The following PRKDC variants were observed in gnomAD, a reference collection of about 807,000 sequenced individuals.
PRKDC encodes protein kinase, DNA-activated, catalytic subunit.
Under a neutral mutation model 486.9 loss-of-function variants are expected in PRKDC, and 82 were observed. The observed-to-expected ratio is 0.17, with a 90% CI of 0.14 to 0.20. The LOEUF is 0.20. Ranked by LOEUF, PRKDC falls within the 10% of genes least tolerant of loss-of-function variation. The probability of loss-of-function intolerance (pLI) is 1.00; values close to 1 mark genes in which losing one functional copy is unlikely to be tolerated. For missense variants in PRKDC, 4,504 were observed against 5,038.2 expected, an observed-to-expected ratio of 0.89 and a Z score of 3.21; for synonymous variants, 1,895 against 1,837.0, an observed-to-expected ratio of 1.03 and a Z score of -0.81.
chr8:47,792,150 G>C (rs1334944254), intron 74 of PRKDC, among the ~76,000 whole-genome samples: 1 of 152,042 alleles, frequency 6.6e-6, no homozygotes, highest in South Asian at 2.1e-4. Flanking sequence ...AACTGAACTC[G>C]TGGGGAGGGG....
intron 11 of PRKDC, among the ~76,000 whole-genome samples, chr8:47,937,450 G>C (rs2090370986): frequency 6.6e-6 from 1 of 152,226 alleles, no homozygotes; most frequent in South Asian, 2.1e-4. Flanking sequence ...TCCACCTACA[G>C]GAGAGGCCAG....
intron 54 of PRKDC, among the ~76,000 whole-genome samples, chr8:47,843,611 C>T (rs781728558): frequency 2.6e-4 from 40 of 151,956 alleles, no homozygotes; most frequent in Non-Finnish European, 3.5e-4. Context: ...TTTCCAAGGT[C>T]GATGTGAAAG....
chr8:47,886,892 G>C (rs2089345991), intron 35 of PRKDC, among the ~76,000 whole-genome samples: 1 of 152,302 alleles, frequency 6.6e-6, no homozygotes, highest in African/African-American at 2.4e-5. Flanking sequence ...GTCTCGCTAT[G>C]TTGTCCAGGA....
intron 25 of PRKDC, among the ~76,000 whole-genome samples, chr8:47,911,514 T>G (rs1264025679): frequency 6.6e-6 from 1 of 152,246 alleles, no homozygotes; most frequent in African/African-American, 2.4e-5. Flanking sequence ...TGAGCTCTAT[T>G]TAATCACAGT....
chr8:47,861,650 G>C (rs1216159214), intron 44 of PRKDC, among the ~76,000 whole-genome samples: 1 of 152,214 alleles, frequency 6.6e-6, no homozygotes, highest in African/African-American at 2.4e-5. Context: ...ATGTCAATCT[G>C]AGCTTGGCTA....
intron 36 of PRKDC, among the ~76,000 whole-genome samples, chr8:47,883,333 C>T (rs1287645343): frequency 2.0e-5 from 3 of 152,186 alleles, no homozygotes; most frequent in African/African-American, 7.2e-5. Context: ...CCAGTGGAAA[C>T]CTGAGAATCT....
chr8:47,949,391 A>G (rs1172138764), intron 7 of PRKDC, among the ~76,000 whole-genome samples: 1 of 152,234 alleles, frequency 6.6e-6, no homozygotes, highest in Non-Finnish European at 1.5e-5. Context: ...ACTAATCTAT[A>G]CAACAGAGAC....
intron 85 of PRKDC, among the ~76,000 whole-genome samples, chr8:47,775,225 TAATA>T (rs1463507762): frequency 6.6e-6 from 1 of 151,634 alleles, no homozygotes; most frequent in Non-Finnish European, 1.5e-5. Flanking sequence ...ATTAATTAAT[TAATA>T]GCCATCCTAG....
In PRKDC at chr8:47,935,791, T is replaced by C. The variant is rs2090339764; in HGVS notation, c.1388A>G (p.Lys463Arg). 1 of 1,614,000 alleles carries C rather than the reference T, an allele frequency of 6.2e-7. No individual in the cohort carries two copies. Among genetic ancestry groups the C allele is most frequent in the Admixed American group, 1.7e-5 (1 of 60,022 alleles). The change falls in exon 13 of 86, where the codon AAG (lysine) becomes AGG (arginine). Residue 463 changes from lysine to arginine, a missense_variant. This residue lies in a region of PRKDC where 1,969 missense variants were observed against 2,068.9 expected (regional missense o/e 0.95). Coordinates refer to ENST00000314191, the MANE Select transcript of PRKDC (RefSeq NM_006904.7). ...MQLVCCRAIV[K>R]VFLALAAKGP... ...TTTTGCTGCCAAAGCTAGGAACACC[T>C]TCACTATGGCTCTGCAACACACCAG...
chr8:47,954,690 G>T (rs1029333893), intron 4 of PRKDC, among the ~76,000 whole-genome samples: 1 of 152,094 alleles, frequency 6.6e-6, no homozygotes, highest in Admixed American at 6.6e-5. Flanking sequence ...AACATCAGGG[G>T]AAGAATGCTC....
At chr8:47,832,069 A>G in intron 59 of PRKDC, 143 bp from the exon 60 acceptor site, 2 of 685,632 alleles carry the variant, frequency 2.9e-6, no homozygotes, top group African/African-American at 1.8e-5. Flanking sequence ...CAGGGGCCAC[A>G]GCTGCAACTG....
At chr8:47,871,276 T>G (rs1042861700) in intron 40 of PRKDC, among the ~76,000 whole-genome samples, 27 of 151,990 alleles carry the variant, frequency 1.8e-4, no homozygotes, top group African/African-American at 6.5e-4. Flanking sequence ...TAAAACTACC[T>G]CAAGGCATTT....
At chr8:47,868,101 T>A (rs1248165935) in intron 40 of PRKDC, among the ~76,000 whole-genome samples, 1 of 152,136 alleles carries the variant, frequency 6.6e-6, no homozygotes, top group Non-Finnish European at 1.5e-5. Context: ...TCTTTAAAAA[T>A]TTTTGTGTTT....
intron 40 of PRKDC, among the ~76,000 whole-genome samples, chr8:47,867,219 G>A (rs1026609260): frequency 3.9e-5 from 6 of 152,318 alleles, no homozygotes; most frequent in Middle Eastern, 3.4e-3. Flanking sequence ...ACAAGTGGAA[G>A]AGATAGGAAG....
intron 76 of PRKDC, among the ~76,000 whole-genome samples, chr8:47,788,572 A>G (rs1231665926): frequency 3.9e-5 from 6 of 152,200 alleles, no homozygotes; most frequent in Non-Finnish European, 8.8e-5. Context: ...AGCTTATTTA[A>G]CACACAAATA....
In PRKDC at chr8:47,898,606, C is replaced by T. The variant is rs763972977; in HGVS notation, c.3365-37G>A. 9 of 1,187,154 alleles carry T rather than the reference C, an allele frequency of 7.6e-6. No individual in the cohort carries two copies. The Admixed American group carries it at 3.4e-4, about 44-fold the overall frequency. 73.5% of individuals were successfully genotyped at this position (1,187,154 alleles called of 1,614,324 possible). A position where few individuals can be genotyped will look rare whatever the true frequency, so the allele number is the denominator to read the frequency against. ...TACAGAGACATATTTCCAAAGAAGG[C>T]ATATATAGCTGATTATTATTAAATT... On this transcript the variant is annotated intron_variant, in intron 28 of 85. Transcript: ENST00000314191.
At chr8:47,847,786 A>G (rs1218977491) in intron 54 of PRKDC, among the ~76,000 whole-genome samples, 1 of 151,950 alleles carries the variant, frequency 6.6e-6, no homozygotes, top group Non-Finnish European at 1.5e-5. Flanking sequence ...AATCCATAAA[A>G]AACTTAATTC....
At chr8:47,918,086 C>A (rs964631272) in intron 22 of PRKDC, among the ~76,000 whole-genome samples, 191 bp downstream of exon 22, 1 of 152,126 alleles carries the variant, frequency 6.6e-6, no homozygotes, top group Non-Finnish European at 1.5e-5. Flanking sequence ...ACCCACCTCA[C>A]CCTCCTAAAG....
intron 29 of PRKDC, 31 bp from the exon 30 acceptor site, chr8:47,897,325 C>T (rs1292337714): frequency 6.6e-7 from 1 of 1,516,140 alleles, no homozygotes; most frequent in Non-Finnish European, 8.9e-7. Context: ...GTCATTAGTC[C>T]CTCTCCAACA....
Sources: gnomAD v4.1 joint callset for allele counts (sites outside exome capture counted in the v4.1 genomes callset) on GRCh38, gnomAD v4.1.1 for gene constraint, gnomAD v4.1.1 regional missense constraint, MANE v1.5 for transcripts, NCBI Gene and HGNC (gene_info 2026-07-23, HGNC 2026-07-21) for gene names.